Variants in SNX25 observed in about 807,000 individuals in gnomAD.
SNX25 encodes sorting nexin-25.
A neutral mutation model predicts 113.7 loss-of-function variants in SNX25; 62 were observed. The observed-to-expected ratio is 0.55, with a 90% CI of 0.44 to 0.67. The LOEUF is 0.67. SNX25 is among the 30% of genes least tolerant of loss of function. SNX25 has a pLI of 0.00. For synonymous variants in SNX25, 421 were observed against 436.2 expected, an observed-to-expected ratio of 0.97 and a Z score of 0.43; for missense variants, 1,014 against 1,161.0, an observed-to-expected ratio of 0.87 and a Z score of 1.84.
chr4:185,278,711 A>T (rs1260858949), intron 5 of SNX25, among the ~76,000 whole-genome samples: 1 of 152,256 alleles, frequency 6.6e-6, no homozygotes, highest in African/African-American at 2.4e-5. Context: ...TTTTCAATAT[A>T]GAACATAAAA....
downstream of SNX25, chr4:185,365,086 C>CA (rs2095381791): frequency 1.3e-5 from 2 of 152,064 alleles, no homozygotes; most frequent in African/African-American, 4.8e-5. Context: ...GTTACAGACT[C>CA]ACCGCAGTCT....
In SNX25 at chr4:185,361,217, C is replaced by G. The variant is rs148965239; in HGVS notation, c.2652-707C>G. On this transcript the variant is annotated intron_variant, in intron 16 of 18. Transcript: ENST00000652585. ...AAAAGACAGCTACGGAAAGCCTGCT[C>G]CTCCTGCGGAACTTCAGGACCTCAG... 5.5e-3 allele frequency among the ~76,000 whole-genome samples: 843 copies of G among 152,274 alleles called. 9 individuals carry two copies. Among genetic ancestry groups the G allele is most frequent in the African/African-American group, 0.019 (771 of 41,538 alleles).
chr4:185,210,291 G>T lies in SNX25; in HGVS notation c.429+36G>T. The T allele has an allele frequency of 2.0e-6, 2 of 984,634 alleles. No homozygotes were observed. The highest frequency in any genetic ancestry group is 2.4e-6 in the Non-Finnish European group (2 of 829,752). 61.0% of individuals were successfully genotyped at this position (984,634 alleles called of 1,614,324 possible). ...GACTCCTGGCCGCCCAGCTCCGCCG[G>T]CCCTCCCCGCTTCCGGTGCCAGCTC... On this transcript the variant is annotated intron_variant, in intron 1 of 18. Transcript: ENST00000652585. The surrounding 1 kb of genome is among the most constrained non-coding windows in gnomAD (Gnocchi z 4.4).
intron 2 of SNX25, among the ~76,000 whole-genome samples, chr4:185,248,541 C>T (rs1363518653): frequency 1.3e-5 from 2 of 151,882 alleles, no homozygotes; most frequent in African/African-American, 2.4e-5. Flanking sequence ...AGTCCTAGCT[C>T]CTTGGGAGGC....
At position 185,281,372 on chromosome 4, in the gene SNX25, CTAATT is replaced by C. The variant is rs563078862; in HGVS notation, c.1092-6635_1092-6631del. On this transcript the variant is annotated intron_variant, in intron 5 of 18. Transcript: ENST00000652585. ...GTTTTAAGATTTTTAAGGGTATTATCTAATTTAATGTGTATAACAACCCTATAAAG... is the reference window on the plus strand; with the variant it reads ...GTTTTAAGATTTTTAAGGGTATTATCTAATGTGTATAACAACCCTATAAAG... Among the ~76,000 whole-genome samples the C allele has an allele frequency of 3.4e-3, 523 of 152,174 alleles. 5 individuals are homozygous for C. The highest frequency in any genetic ancestry group is 0.012 in the African/African-American group (496 of 41,516).
intron 15 of SNX25, 88 bp downstream of exon 15, chr4:185,353,690 T>C: frequency 1.0e-6 from 1 of 991,956 alleles, no homozygotes; most frequent in East Asian, 2.4e-5. Context: ...ATCCCTTTAT[T>C]GCTGAAATGC....
At chr4:185,358,801 G>C (rs577120157) in intron 16 of SNX25, among the ~76,000 whole-genome samples, 1 of 152,060 alleles carries the variant, frequency 6.6e-6, no homozygotes, top group Non-Finnish European at 1.5e-5. Flanking sequence ...ATGAGTCAAC[G>C]TCTAGAAATT....
At chr4:185,331,481 C>G (rs1329495483) in intron 9 of SNX25, among the ~76,000 whole-genome samples, 1 of 152,064 alleles carries the variant, frequency 6.6e-6, no homozygotes, top group East Asian at 1.9e-4. Flanking sequence ...TATAGACAAC[C>G]AGTTAAAAGA....
At chr4:185,242,705 G>A (rs1395697278) in intron 1 of SNX25, among the ~76,000 whole-genome samples, 2 of 152,098 alleles carry the variant, frequency 1.3e-5, no homozygotes, top group Non-Finnish European at 2.9e-5. Context: ...TAGAGTATAG[G>A]GTGGGATCTC....
chr4:185,301,646 G>A (rs539271500), intron 6 of SNX25, among the ~76,000 whole-genome samples: 2 of 152,246 alleles, frequency 1.3e-5, no homozygotes, highest in Admixed American at 6.5e-5. Flanking sequence ...GAGTGCAGTG[G>A]CACAATCTAG....
chr4:185,251,040 G>A (rs953864962), intron 2 of SNX25, among the ~76,000 whole-genome samples: 1 of 151,638 alleles, frequency 6.6e-6, no homozygotes, highest in Non-Finnish European at 1.5e-5. Context: ...CGTCGCCCAG[G>A]CTGGAGTGCA....
chr4:185,224,538 A>C (rs1175884494), intron 1 of SNX25, among the ~76,000 whole-genome samples: 3 of 135,588 alleles, frequency 2.2e-5, no homozygotes, highest in South Asian at 2.2e-4. Flanking sequence ...CATATATATA[A>C]ATATATATAC....
Position 185,245,029 on chromosome 4 carries a change from G to A in SNX25, c.430-2265G>A, listed in dbSNP as rs372932557. Among the ~76,000 whole-genome samples the A allele has an allele frequency of 1.1e-4, 17 of 152,162 alleles. 1 individual carries two copies. Among genetic ancestry groups the A allele is most frequent in the African/African-American group, 3.6e-4 (15 of 41,504 alleles). On this transcript the variant is annotated intron_variant, in intron 1 of 18. Coordinates refer to ENST00000652585, the MANE Select transcript of SNX25 (RefSeq NM_001378034.2). Reference sequence around the variant, plus strand: ...GCTGGTCTGGCCTCTGCTTGAGAACGAAGTGGTTCTCCACACTTGTTTGTA... The same window carrying A: ...GCTGGTCTGGCCTCTGCTTGAGAACAAAGTGGTTCTCCACACTTGTTTGTA...
intron 3 of SNX25, among the ~76,000 whole-genome samples, chr4:185,263,995 C>T (rs1166883937): frequency 1.3e-5 from 2 of 152,184 alleles, no homozygotes; most frequent in Non-Finnish European, 2.9e-5. Context: ...CCCTCTAGCT[C>T]ACTAGAAATA....
chr4:185,296,916 T>C (rs150376574), intron 6 of SNX25, among the ~76,000 whole-genome samples: 4 of 152,334 alleles, frequency 2.6e-5, no homozygotes, highest in Middle Eastern at 3.4e-3. Flanking sequence ...TTAGTGAGTC[T>C]AACTGGCTAA....
chr4:185,269,229 C>T (rs1748568347), intron 5 of SNX25, among the ~76,000 whole-genome samples: 2 of 151,872 alleles, frequency 1.3e-5, no homozygotes, highest in South Asian at 2.1e-4. Context: ...GGTAGAACAC[C>T]CTTGTTGCCT....
Position 185,209,890 on chromosome 4 carries a change from G to A in SNX25, c.64G>A (p.Gly22Ser), listed in dbSNP as rs1017152282. Residue 22 changes from glycine to serine, a missense_variant, in exon 1 of 19, where the codon GGC (glycine) becomes AGC (serine). By Grantham distance (56) the Gly-to-Ser change is moderately conservative. Coordinates refer to ENST00000652585, the MANE Select transcript of SNX25 (RefSeq NM_001378034.2). The surrounding 1 kb of genome is among the most constrained non-coding windows in gnomAD (Gnocchi z 5.2). ...GPSPARAAGA[G>S]GRPVSGFRGE... ...CAGCCCCGCGCGGGCCGCAGGCGCC[G>A]GCGGCCGTCCTGTCTCGGGCTTCAG... 2.3e-4 allele frequency: 227 copies of A among 983,190 alleles called. No homozygotes were observed. Among genetic ancestry groups the A allele is most frequent in the Middle Eastern group, 5.2e-4 (1 of 1,934 alleles). 60.9% of individuals were successfully genotyped at this position (983,190 alleles called of 1,614,324 possible).
exon 1 of SNX25, chr4:185,204,303 G>T (rs955793236): frequency 9.2e-5 from 14 of 152,228 alleles, no homozygotes; most frequent in Non-Finnish European, 1.9e-4. Flanking sequence ...AGGGAAAGCT[G>T]CCTTGATTAT....
chr4:185,326,486 A>G (rs2095158141), intron 9 of SNX25, among the ~76,000 whole-genome samples: 1 of 152,206 alleles, frequency 6.6e-6, no homozygotes, highest in African/African-American at 2.4e-5. Context: ...GGGTAGCCAT[A>G]GTTAAAGACA....
Sources: allele counts gnomAD v4.1 joint callset (sites outside exome capture counted in the v4.1 genomes callset), GRCh38; gene constraint gnomAD v4.1.1; non-coding constraint Gnocchi (gnomAD v3.1); transcripts MANE v1.5; gene names NCBI Gene and HGNC (gene_info 2026-07-23, HGNC 2026-07-21).